Variants in ANO10 observed in about 807,000 individuals in gnomAD.
ANO10 encodes anoctamin-10.
In ANO10, 77 loss-of-function variants were observed where a neutral mutation model predicts 74.7. That is an observed-to-expected ratio of 1.03 (90% confidence interval 0.86 to 1.25). ANO10 has a LOEUF of 1.25. ANO10 is among the 50% of genes most tolerant of loss of function. The pLI is 0.00. For synonymous variants in ANO10, 279 were observed against 284.9 expected (o/e 0.98, Z 0.21); for missense variants, 721 against 778.1 (o/e 0.93, Z 0.87).
chr3:43,481,997 CA>C lies in ANO10; in HGVS notation c.1798-49271del, dbSNP rs559870660. The stretch of plus-strand genomic sequence containing the variant: ...AGGCTGGAGTGCAGTGGTGTGATCT[CA>C]GCTCACTGCAACCTTCGCCTCCTGG... On this transcript the variant is annotated intron_variant, in intron 11 of 12. Coordinates refer to ENST00000292246, the MANE Select transcript of ANO10 (RefSeq NM_018075.5). Among the ~76,000 whole-genome samples, 110 of 144,000 alleles carry C rather than the reference CA, an allele frequency of 7.6e-4. 1 individual carries two copies. The highest frequency in any genetic ancestry group is 2.7e-3 in the African/African-American group (106 of 38,558). The allele number at this position is 144,000 out of a possible 152,430, so 94.5% of individuals were successfully genotyped here. A position where few individuals can be genotyped will look rare whatever the true frequency, so the allele number is the denominator to read the frequency against.
intron 5 of ANO10, among the ~76,000 whole-genome samples, chr3:43,579,111 A>T (rs1167201512): frequency 6.6e-6 from 1 of 152,168 alleles, no homozygotes; most frequent in Admixed American, 6.5e-5. Context: ...AAATGATAGT[A>T]ATGCAAAGGT....
intron 11 of ANO10, among the ~76,000 whole-genome samples, chr3:43,477,325 A>G (rs1199003309): frequency 6.6e-6 from 1 of 152,226 alleles, no homozygotes; most frequent in Non-Finnish European, 1.5e-5. Context: ...CTCCCTTTTT[A>G]TTAATGAATA....
At chr3:43,621,124 A>C (rs1388943315) in intron 1 of ANO10, among the ~76,000 whole-genome samples, 3 of 152,154 alleles carry the variant, frequency 2.0e-5, no homozygotes, top group Non-Finnish European at 4.4e-5. Flanking sequence ...AGTCTGAATA[A>C]ACCTCAGCTG....
chr3:43,372,787 C>T (rs1470241851), intron 12 of ANO10: 25 of 1,508,310 alleles, frequency 1.7e-5, no homozygotes, highest in Non-Finnish European at 2.2e-5. Flanking sequence ...ATGACAGTGC[C>T]TGGCACTGAG....
At chr3:43,488,703 C>G (rs1665713996) in intron 11 of ANO10, among the ~76,000 whole-genome samples, 1 of 151,256 alleles carries the variant, frequency 6.6e-6, no homozygotes, top group Non-Finnish European at 1.5e-5. Context: ...GAAATAGGAA[C>G]ACTTTTACAC....
At chr3:43,399,767 C>A (rs2092446815) in intron 12 of ANO10, among the ~76,000 whole-genome samples, 1 of 152,100 alleles carries the variant, frequency 6.6e-6, no homozygotes, top group Non-Finnish European at 1.5e-5. Flanking sequence ...TCAGAAGAGC[C>A]CCCAGGGCAC....
rs1482353724 is a variant in ANO10, at chr3:43,580,402, CT to C, written c.542del (p.Lys181SerfsTer12). 4 of 1,613,994 alleles carry C rather than the reference CT, an allele frequency of 2.5e-6. No homozygotes were observed. Among genetic ancestry groups the C allele is most frequent in the Non-Finnish European group, 2.5e-6 (3 of 1,180,008 alleles). On this transcript the variant is annotated frameshift_variant, in exon 5 of 13. Transcript: ENST00000292246. LOFTEE classifies it high-confidence loss of function. ...ACCGAGTGTACCAGGTGTCCTCAAG[CT>C]TCTTCAGGGCTTCACTGTCATGCAG... ...FPLHDSEALK[K>X]LEDTWYTRFA... is the part of the protein sequence containing the mutation.
intron 1 of ANO10, among the ~76,000 whole-genome samples, chr3:43,613,987 G>A (rs933917784): frequency 6.6e-5 from 10 of 152,200 alleles, no homozygotes; most frequent in African/African-American, 1.7e-4. Context: ...GCCACACAGC[G>A]TTCAACTTAG....
chr3:43,690,912 A>G, intron 1 of ANO10: 1 of 1,455,746 alleles, frequency 6.9e-7, no homozygotes, highest in Non-Finnish European at 9.1e-7. Context: ...CGCCGCCTTA[A>G]GTGCCGCGCC....
rs143907785 is a variant in ANO10 at position 43,514,602 on chromosome 3, T to C, written c.1797+35118A>G. Among the ~76,000 whole-genome samples the C allele has an allele frequency of 4.7e-3, 720 of 152,292 alleles. 5 individuals are homozygous for C. Among genetic ancestry groups the C allele is most frequent in the African/African-American group, 0.017 (692 of 41,562 alleles). On this transcript the variant is annotated intron_variant, in intron 11 of 12. Transcript: ENST00000292246. ...AAAAGCAGTAAGGATACAGAAAGCC[T>C]GAATAAAACTATCAGCCAACTTGAC...
chr3:43,541,706 C>T (rs1173817764), intron 11 of ANO10, among the ~76,000 whole-genome samples: 1 of 152,172 alleles, frequency 6.6e-6, no homozygotes, highest in Non-Finnish European at 1.5e-5. Context: ...GTTAAAGTAA[C>T]TCTACTGAGT....
chr3:43,485,021 C>T (rs551108043), intron 11 of ANO10: 264 of 1,459,056 alleles, frequency 1.8e-4, no homozygotes, highest in Non-Finnish European at 2.2e-4. Flanking sequence ...CTTGTGCTGA[C>T]GGCTCAGGAC....
chr3:43,512,608 G>A (rs2077553112), intron 11 of ANO10, among the ~76,000 whole-genome samples: 1 of 152,022 alleles, frequency 6.6e-6, no homozygotes, highest in Non-Finnish European at 1.5e-5. Context: ...TGGACTAGAG[G>A]TTGCAGAGAG....
At chr3:43,602,454 C>T (rs1166774328) in intron 2 of ANO10, among the ~76,000 whole-genome samples, 2 of 152,094 alleles carry the variant, frequency 1.3e-5, no homozygotes, top group South Asian at 4.1e-4. Flanking sequence ...CTCCTGCTTC[C>T]GTCTCCCAAA....
chr3:43,522,576 T>A (rs2078006154), intron 11 of ANO10, among the ~76,000 whole-genome samples: 1 of 152,214 alleles, frequency 6.6e-6, no homozygotes, highest in Non-Finnish European at 1.5e-5. Flanking sequence ...TGTGTTCTGC[T>A]CTCTGTCTTT....
chr3:43,510,818 A>T (rs2077480956), intron 11 of ANO10, among the ~76,000 whole-genome samples: 1 of 152,192 alleles, frequency 6.6e-6, no homozygotes, highest in Non-Finnish European at 1.5e-5. Context: ...TCAAATTTAC[A>T]TAGACACTCT....
At position 43,598,628 on chromosome 3, in the gene ANO10, AT is replaced by A; in HGVS notation, c.375del (p.Gln125HisfsTer18). 1 of 1,610,610 alleles carries A rather than the reference AT, an allele frequency of 6.2e-7. No individual in the cohort carries two copies. The highest frequency in any genetic ancestry group is 1.1e-5 in the South Asian group (1 of 90,640). ...NDDFLTMAEC[Q>X]FIIKHELENL... Reference sequence around the variant, plus strand: ...TTTTCAAGTTCATGTTTGATAATGAATTGACATTCTGCCATTGTCAGGAAAT... The same window carrying A: ...TTTTCAAGTTCATGTTTGATAATGAATGACATTCTGCCATTGTCAGGAAAT... On this transcript the variant is annotated frameshift_variant, in exon 4 of 13. Coordinates refer to ENST00000292246, the MANE Select transcript of ANO10 (RefSeq NM_018075.5). LOFTEE classifies it high-confidence loss of function.
At chr3:43,690,842 A>C in intron 1 of ANO10, 1 of 754,920 alleles carries the variant, frequency 1.3e-6, no homozygotes, top group Non-Finnish European at 1.9e-6. Context: ...GCGCACGCGC[A>C]AACGCGGGCG....
intron 11 of ANO10, among the ~76,000 whole-genome samples, chr3:43,473,506 C>T (rs1342146968): frequency 6.6e-6 from 1 of 152,198 alleles, no homozygotes; most frequent in Non-Finnish European, 1.5e-5. Flanking sequence ...GCGCCTCTCC[C>T]ACATGCCACT....
Sources: allele counts gnomAD v4.1 joint callset (sites outside exome capture counted in the v4.1 genomes callset), GRCh38; gene constraint gnomAD v4.1.1; transcripts MANE v1.5; gene names NCBI Gene and HGNC (gene_info 2026-07-23, HGNC 2026-07-21).